The following DUT variants were observed in gnomAD, a reference collection of about 807,000 sequenced individuals.
DUT encodes deoxyuridine triphosphatase.
In DUT, 21 loss-of-function variants were observed where a neutral mutation model predicts 28.8. That is an observed-to-expected ratio of 0.73 (90% CI 0.52 to 1.05). The LOEUF is 1.05. Among genes scored for constraint, DUT ranks in the 50% least tolerant of loss-of-function variants. DUT has a pLI of 0.00. For missense variants in DUT, 344 were observed against 351.8 expected (o/e 0.98, Z 0.18); for synonymous variants, 147 against 143.7 (o/e 1.02, Z -0.17).
In DUT at chr15:48,341,343, T is replaced by A; in HGVS notation, c.611T>A (p.Phe204Tyr). The A allele has an allele frequency of 6.2e-7, 1 of 1,611,592 alleles. No individual in the cohort carries two copies. The highest frequency in any genetic ancestry group is 8.5e-7 in the Non-Finnish European group (1 of 1,178,304). Residue 204 changes from phenylalanine (F) to tyrosine (Y), a missense_variant, in exon 5 of 7, where the codon TTT becomes TAT. Physicochemically the swap from Phe to Tyr is conservative, Grantham distance 22. Transcript: ENST00000331200. ...AATGTTGGTGTTGTACTGTTTAATT[T>A]TGGCAAAGAAAAGTTTGAAGGTATG... ...RGNVGVVLFN[F>Y]GKEKFEVKKG... is the part of the protein sequence containing the mutation.
intron 6 of DUT, 190 bp from the exon 7 acceptor site, chr15:48,341,832 T>A (rs1408574824): frequency 3.5e-6 from 2 of 571,390 alleles, no homozygotes; most frequent in African/African-American, 3.9e-5. Context: ...TTATTAGAAT[T>A]TTTTAAAGTT....
chr15:48,336,684 C>T (rs28381119), intron 4 of DUT, among the ~76,000 whole-genome samples: 1,651 of 152,310 alleles, frequency 0.011, 39 homozygotes, highest in African/African-American at 0.038. Flanking sequence ...TCCGCTCCAA[C>T]TGGGATTCAG....
intron 4 of DUT, among the ~76,000 whole-genome samples, chr15:48,337,942 G>A (rs1010070984): frequency 6.6e-6 from 1 of 152,108 alleles, no homozygotes; most frequent in Non-Finnish European, 1.5e-5. Context: ...ACTAAAAAAG[G>A]TTTCCAACAA....
At chr15:48,331,231 C>A, upstream of DUT, 1 of 1,489,736 alleles carries the variant, frequency 6.7e-7, no homozygotes, top group Non-Finnish European at 8.9e-7. Flanking sequence ...CTGGCGTACA[C>A]TCTCGGAAAA....
At chr15:48,331,193 T>C (rs1232781932), upstream of DUT, 1 of 1,518,716 alleles carries the variant, frequency 6.6e-7, no homozygotes, top group Non-Finnish European at 8.8e-7. Flanking sequence ...CCGCCCCAGG[T>C]AAATCAGTCC....
chr15:48,339,255 T>C lies in DUT; in HGVS notation c.557-2034T>C, dbSNP rs190060193. 1.6e-4 allele frequency among the ~76,000 whole-genome samples: 25 copies of C among 152,318 alleles called. No homozygotes were observed. In the East Asian group the frequency reaches 4.8e-3, roughly 29 times the overall value. ...TATGTAAGATATATTTCTGTAACAT[T>C]AGCTATCTCAGGGAGGGTAAGAGAA... On this transcript the variant is annotated intron_variant, in intron 4 of 6. Transcript: ENST00000331200.
At chr15:48,337,734 C>T (rs1436587374) in intron 4 of DUT, among the ~76,000 whole-genome samples, 1 of 152,148 alleles carries the variant, frequency 6.6e-6, no homozygotes, top group African/African-American at 2.4e-5. Flanking sequence ...TTCATAAAAT[C>T]ACATTGTGGT....
At chr15:48,338,762 C>G (rs1482550577) in intron 4 of DUT, among the ~76,000 whole-genome samples, 1 of 152,168 alleles carries the variant, frequency 6.6e-6, no homozygotes, top group African/African-American at 2.4e-5. Context: ...CAAGGATATA[C>G]TTAAAGGGCT....
intron 1 of DUT, 95 bp downstream of exon 1, chr15:48,331,890 C>G (rs191889282): frequency 3.1e-5 from 1 of 31,796 alleles, no homozygotes; most frequent in Non-Finnish European, 6.0e-5. Context: ...TCCTTCTGCG[C>G]GCGGGGGGCG....
chr15:48,332,417 A>T lies in DUT; in HGVS notation c.419+11A>T, dbSNP rs966466322. 2.6e-6 allele frequency: 4 copies of T among 1,532,206 alleles called. No individual in the cohort carries two copies. Among genetic ancestry groups the T allele is most frequent in the Non-Finnish European group, 3.5e-6 (4 of 1,146,568 alleles). The allele number at this position is 1,532,206 out of a possible 1,614,324, so 94.9% of individuals were successfully genotyped here. On this transcript the variant is annotated intron_variant, in intron 2 of 6. Transcript: ENST00000331200. ...CTACGACCTGTACAGGTGAGCGGGG[A>T]CCTGCCGGCGAGGAGGCTGGGAAGG...
intron 1 of DUT, 87 bp downstream of exon 1, chr15:48,331,882 C>T (rs1334759246): frequency 2.1e-5 from 5 of 233,586 alleles, no homozygotes; most frequent in South Asian, 1.4e-4. Context: ...GCGAGCGGTC[C>T]TTCTGCGCGC....
intron 2 of DUT, among the ~76,000 whole-genome samples, chr15:48,334,038 A>G (rs911165995): frequency 1.3e-5 from 2 of 152,022 alleles, no homozygotes; most frequent in Non-Finnish European, 2.9e-5. Flanking sequence ...TTTCCTTTTC[A>G]AACTATGGTT....
At chr15:48,331,837 T>A in intron 1 of DUT, 42 bp downstream of exon 1, 1 of 1,060,124 alleles carries the variant, frequency 9.4e-7, no homozygotes, top group South Asian at 2.2e-5. Context: ...CTGGAAGGAA[T>A]CCACGCGGCT....
At chr15:48,341,891 G>A in intron 6 of DUT, 131 bp from the exon 7 acceptor site, 1 of 728,172 alleles carries the variant, frequency 1.4e-6, no homozygotes, top group Non-Finnish European at 2.3e-6. Context: ...TTTTCTTTCT[G>A]TAATCTCCCT....
chr15:48,341,542 T>C lies in DUT; in HGVS notation c.659T>C (p.Leu220Pro). 1 of 1,613,154 alleles carries C rather than the reference T, an allele frequency of 6.2e-7. No homozygotes were observed. Among genetic ancestry groups the C allele is most frequent in the Non-Finnish European group, 8.5e-7 (1 of 1,179,476 alleles). Reference protein sequence around the residue: ...EVKKGDRIAQLICERIFYPEI... With the variant: ...EVKKGDRIAQPICERIFYPEI... The stretch of plus-strand genomic sequence containing the variant: ...AAAAAAGGTGATCGAATTGCACAGC[T>C]CATTTGCGAACGGATTTTTTATCCA... Residue 220 changes from leucine to proline, a missense_variant, in exon 6 of 7, where the codon CTC (leucine) becomes CCC (proline). Transcript: ENST00000331200.
intron 2 of DUT, among the ~76,000 whole-genome samples, chr15:48,333,268 A>T (rs1486977807): frequency 6.6e-6 from 1 of 152,192 alleles, no homozygotes; most frequent in African/African-American, 2.4e-5. Context: ...TGATGATAGC[A>T]ACAGAAAAAA....
chr15:48,337,265 A>G (rs183654580), intron 4 of DUT, among the ~76,000 whole-genome samples: 1 of 152,374 alleles, frequency 6.6e-6, no homozygotes, highest in East Asian at 1.9e-4. Context: ...CCGATGTTCA[A>G]AAATGCTTTT....
chr15:48,331,785 G>T lies in DUT; in HGVS notation c.270G>T (p.Ala90=). ...TTCCTAAGGCGGGGGGAAGCCCGGC[G>T]CCGGGGCCGGGTAGGAAAGGCGGGG... ...GELPKAGGSP[A]PGPETPAISP... is the part of the protein sequence containing the mutation. Residue 90 remains alanine (A), a synonymous_variant, in exon 1 of 7, where the codon GCG becomes GCT. Transcript: ENST00000331200. 7.3e-7 allele frequency: 1 copy of T among 1,375,000 alleles called. No individual in the cohort carries two copies. The allele number at this position is 1,375,000 out of a possible 1,614,324, so 85.2% of individuals were successfully genotyped here.
intron 6 of DUT, 86 bp from the exon 7 acceptor site, chr15:48,341,936 G>T: frequency 2.1e-6 from 2 of 962,110 alleles, no homozygotes; most frequent in South Asian, 1.6e-5. Flanking sequence ...TAGAATTCTG[G>T]CTGTATTTTT....
Sources: gnomAD v4.1 joint callset for allele counts (sites outside exome capture counted in the v4.1 genomes callset) on GRCh38, gnomAD v4.1.1 for gene constraint, MANE v1.5 for transcripts, NCBI Gene and HGNC (gene_info 2026-07-23, HGNC 2026-07-21) for gene names.